The following ANKRD10 variants were observed in gnomAD, a reference collection of about 807,000 sequenced individuals.
ANKRD10 encodes the protein ankyrin repeat domain-containing protein 10.
A neutral mutation model predicts 27.0 loss-of-function variants in ANKRD10; 14 were observed. The observed-to-expected ratio is 0.52, with a 90% CI of 0.34 to 0.81. The LOEUF is 0.81. Ranked by LOEUF, ANKRD10 falls within the 40% of genes least tolerant of loss-of-function variation. The pLI is 0.01. For missense variants in ANKRD10, 493 were observed against 544.0 expected (o/e 0.91, Z 0.93); for synonymous variants, 250 against 224.5 (o/e 1.11, Z -1.01).
chr13:110,914,943 A>G lies in ANKRD10; in HGVS notation c.-9T>C. 1 of 1,530,184 alleles carries G rather than the reference A, an allele frequency of 6.5e-7. No individual in the cohort carries two copies. 94.8% of individuals were successfully genotyped at this position (1,530,184 alleles called of 1,614,324 possible). Reference sequence around the variant, plus strand: ...GCTCCCGCCGCCGACATGGTCCGTCACCGGAGAGCGCGGGGCTCGCTGGCC... The same window carrying G: ...GCTCCCGCCGCCGACATGGTCCGTCGCCGGAGAGCGCGGGGCTCGCTGGCC... On this transcript the variant is annotated 5_prime_UTR_variant, in exon 1 of 6. Transcript: ENST00000267339.
chr13:110,909,405 T>A (rs1318760969), intron 2 of ANKRD10, among the ~76,000 whole-genome samples: 1 of 151,964 alleles, frequency 6.6e-6, no homozygotes. Flanking sequence ...CACATAAGGG[T>A]ATTGAGTAGG....
At chr13:110,883,612 T>C (rs773556864) in intron 5 of ANKRD10, 86 bp downstream of exon 5, 1 of 1,571,814 alleles carries the variant, frequency 6.4e-7, no homozygotes, top group Non-Finnish European at 8.7e-7. Flanking sequence ...CTATTTCTTT[T>C]GGTCCAACAG....
chr13:110,910,350 C>T (rs2065659269), intron 2 of ANKRD10, among the ~76,000 whole-genome samples: 1 of 152,186 alleles, frequency 6.6e-6, no homozygotes, highest in African/African-American at 2.4e-5. Flanking sequence ...CAAGGCCAGG[C>T]TCCTTTAATT....
chr13:110,881,512 C>A (rs1322737653), intron 5 of ANKRD10, among the ~76,000 whole-genome samples: 1 of 114,074 alleles, frequency 8.8e-6, no homozygotes, highest in Non-Finnish European at 1.8e-5. Context: ...GCTATAAATT[C>A]TTCACAGGAC....
chr13:110,892,895 A>C, intron 4 of ANKRD10, 133 bp downstream of exon 4: 2 of 1,456,068 alleles, frequency 1.4e-6, no homozygotes, highest in South Asian at 2.9e-5. Flanking sequence ...CTCCACCGTC[A>C]CCGCACAATC....
At chr13:110,901,902 G>A (rs2065391294) in intron 3 of ANKRD10, among the ~76,000 whole-genome samples, 1 of 152,072 alleles carries the variant, frequency 6.6e-6, no homozygotes, top group Non-Finnish European at 1.5e-5. Flanking sequence ...AATTAGTTGG[G>A]CATGGTGGTA....
chr13:110,894,078 G>A (rs767967583), intron 3 of ANKRD10: 1 of 1,464,760 alleles, frequency 6.8e-7, no homozygotes, highest in East Asian at 2.3e-5. Context: ...TGAAAGAGCT[G>A]AATAAAATAG....
chr13:110,906,028 C>G lies in ANKRD10; in HGVS notation c.455+5G>C. On this transcript the variant is annotated splice_donor_5th_base_variant and intron_variant, in intron 3 of 5. Coordinates refer to ENST00000267339, the MANE Select transcript of ANKRD10 (RefSeq NM_017664.4). ...AGCTGGAAAGAATAAACGAAAGACA[C>G]TTACTCGACGTGAGCCCCATTCGCC... 6.3e-7 allele frequency: 1 copy of G among 1,587,670 alleles called. No individual in the cohort carries two copies. Among genetic ancestry groups the G allele is most frequent in the Non-Finnish European group, 8.6e-7 (1 of 1,164,238 alleles).
chr13:110,881,091 T>G (rs1054687697), intron 5 of ANKRD10, among the ~76,000 whole-genome samples: 3 of 152,220 alleles, frequency 2.0e-5, no homozygotes, highest in African/African-American at 2.4e-5. Flanking sequence ...TTCTGTATAC[T>G]GGAACTTGAG....
At position 110,914,828 on chromosome 13, in the gene ANKRD10, G is replaced by A; in HGVS notation, c.107C>T (p.Ala36Val). The A allele has an allele frequency of 6.3e-7, 1 of 1,585,558 alleles. No individual in the cohort carries two copies. The highest frequency in any genetic ancestry group is 1.1e-5 in the South Asian group (1 of 87,072). ...LHRACRDGDL[A>V]TLCSLLQQTP... is the part of the protein sequence containing the mutation. ...CTGCTGCAGCAGCGAGCAGAGCGTG[G>A]CCAGGTCCCCGTCGCGGCAGGCGCG... Residue 36 changes from alanine (A) to valine (V), a missense_variant, in exon 1 of 6, where the codon GCC (alanine) becomes GTC (valine). Transcript: ENST00000267339.
At position 110,883,641 on chromosome 13, in the gene ANKRD10, T is replaced by G. The variant is rs771293935; in HGVS notation, c.787+57A>C. On this transcript the variant is annotated intron_variant, in intron 5 of 5. Coordinates refer to ENST00000267339, the MANE Select transcript of ANKRD10 (RefSeq NM_017664.4). Reference sequence around the variant, plus strand: ...CCAACAGAACCACTCTCCTGCTGTTTGGTGTCTTCAACCATTGGATTGTTG... The same window carrying G: ...CCAACAGAACCACTCTCCTGCTGTTGGGTGTCTTCAACCATTGGATTGTTG... 3.7e-6 allele frequency: 6 copies of G among 1,602,652 alleles called. No homozygotes were observed. The Admixed American group carries it at 8.4e-5, about 22-fold the overall frequency.
At chr13:110,901,914 G>A (rs774137099) in intron 3 of ANKRD10, among the ~76,000 whole-genome samples, 1 of 152,074 alleles carries the variant, frequency 6.6e-6, no homozygotes, top group Non-Finnish European at 1.5e-5. Flanking sequence ...ATGGTGGTAT[G>A]TGCCTATAGT....
chr13:110,915,057 G>T lies in ANKRD10; in HGVS notation c.-123C>A, dbSNP rs1439335508. ...CCGCGGTCGCGTCCCACAGGCTGCC[G>T]AGCGGAGCGCGCACAGAGGGGGCGG... On this transcript the variant is annotated 5_prime_UTR_variant, in exon 1 of 6. Coordinates refer to ENST00000267339, the MANE Select transcript of ANKRD10 (RefSeq NM_017664.4). The T allele has an allele frequency of 1.4e-6, 2 of 1,414,516 alleles. No homozygotes were observed. The highest frequency in any genetic ancestry group is 1.5e-5 in the South Asian group (1 of 65,858). 87.6% of individuals were successfully genotyped at this position (1,414,516 alleles called of 1,614,324 possible).
intron 4 of ANKRD10, among the ~76,000 whole-genome samples, chr13:110,887,087 G>C (rs569149583): frequency 2.0e-4 from 30 of 152,284 alleles, no homozygotes; most frequent in African/African-American, 5.5e-4. Flanking sequence ...GAGAACTAGA[G>C]CCAGTAGAGC....
At chr13:110,900,998 T>C (rs1276251354) in intron 3 of ANKRD10, among the ~76,000 whole-genome samples, 3 of 152,196 alleles carry the variant, frequency 2.0e-5, no homozygotes, top group Admixed American at 2.0e-4. Flanking sequence ...TTTAACAGTA[T>C]GGACTAAAAA....
chr13:110,893,047 T>C lies in ANKRD10; in HGVS notation c.672A>G (p.Val224=), dbSNP rs1204942143. 3.1e-6 allele frequency: 5 copies of C among 1,614,052 alleles called. No individual in the cohort carries two copies. Among genetic ancestry groups the C allele is most frequent in the African/African-American group, 2.7e-5 (2 of 74,918 alleles). The part of the protein sequence containing the change: ...RCLEDSEDFG[V]KKARTEAQSL... ...TCTCACCTTCAGTTCTAGCTTTCTTTACTCCAAAGTCTTCTGAGTCTTCCA... is the reference window on the plus strand; with the variant it reads ...TCTCACCTTCAGTTCTAGCTTTCTTCACTCCAAAGTCTTCTGAGTCTTCCA... The change falls in exon 4 of 6, where the codon GTA becomes GTG. Residue 224 remains valine, a synonymous_variant. Transcript: ENST00000267339.
intron 4 of ANKRD10, among the ~76,000 whole-genome samples, chr13:110,892,282 T>C (rs2065094964): frequency 6.7e-6 from 1 of 149,796 alleles, no homozygotes; most frequent in Non-Finnish European, 1.5e-5. Context: ...AAATACAAAT[T>C]AGCCCAGTGT....
intron 1 of ANKRD10, 183 bp downstream of exon 1, chr13:110,914,542 C>G: frequency 2.4e-6 from 2 of 835,906 alleles, no homozygotes; most frequent in Non-Finnish European, 3.2e-6. Flanking sequence ...GCTGCCCCGC[C>G]GCGACTCCGG....
At chr13:110,880,248 A>G (rs2138816147) in intron 5 of ANKRD10, 136 bp from the exon 6 acceptor site, 1 of 760,844 alleles carries the variant, frequency 1.3e-6, no homozygotes, top group South Asian at 1.9e-5. Context: ...CTTTTTTCAA[A>G]GTAAAATCAA....
Sources: gnomAD v4.1 joint callset for allele counts (sites outside exome capture counted in the v4.1 genomes callset) on GRCh38, gnomAD v4.1.1 for gene constraint, MANE v1.5 for transcripts, NCBI Gene and HGNC (gene_info 2026-07-23, HGNC 2026-07-21) for gene names.